The following TTC7A variants were observed in gnomAD, a reference collection of about 807,000 sequenced individuals.
TTC7A encodes the protein tetratricopeptide repeat protein 7A.
In TTC7A, 110 loss-of-function variants were observed where a neutral mutation model predicts 103.7. The ratio of observed to expected loss-of-function variants is 1.06; its 90% confidence interval spans 0.91 to 1.24. The LOEUF is 1.24. TTC7A is among the 50% of genes most tolerant of loss of function. TTC7A has a pLI of 0.00. For missense variants in TTC7A, 1,340 were observed against 1,116.3 expected, an observed-to-expected ratio of 1.20 and a Z score of -2.86; for synonymous variants, 521 against 467.9, an observed-to-expected ratio of 1.11 and a Z score of -1.47.
At chr2:46,981,904 G>A (rs1281888320) in intron 5 of TTC7A, among the ~76,000 whole-genome samples, 1 of 152,240 alleles carries the variant, frequency 6.6e-6, no homozygotes, top group Admixed American at 6.5e-5. Flanking sequence ...CTTCCAGGAG[G>A]CAGTGGCTGT....
At chr2:46,947,674 G>A (rs377209981) in intron 1 of TTC7A, among the ~76,000 whole-genome samples, 4 of 152,154 alleles carry the variant, frequency 2.6e-5, no homozygotes, top group East Asian at 3.8e-4. Flanking sequence ...CTGAGATTGT[G>A]CCATTGCGCT....
At chr2:46,925,256 G>GT (rs1271718470) in intron 2 of TTC7A, among the ~76,000 whole-genome samples, 1 of 152,092 alleles carries the variant, frequency 6.6e-6, no homozygotes, top group Non-Finnish European at 1.5e-5. Flanking sequence ...ACACCCACTT[G>GT]TTTTTTTAAC....
At chr2:47,034,283 CAG>C (rs762423915) in intron 15 of TTC7A, 10 of 152,326 alleles carry the variant, frequency 6.6e-5, no homozygotes, top group Non-Finnish European at 8.8e-5. Context: ...CAGGGGGCCT[CAG>C]GGGGCAGCAG....
In TTC7A at chr2:46,994,412, A is replaced by C. The variant is rs146719089; in HGVS notation, c.899A>C (p.Tyr300Ser). The change falls in exon 7 of 20, where the codon TAC (tyrosine) becomes TCC (serine). Residue 300 changes from tyrosine (Y) to serine (S), a missense_variant. By Grantham distance (144) the Tyr-to-Ser change is moderately radical. Coordinates refer to ENST00000319190, the MANE Select transcript of TTC7A (RefSeq NM_020458.4). ...CTGCACTCCCTGAGTGAGGAGTGCT[A>C]CTGGAGCCCCCTGTCCCACCCTCTG... is the stretch of plus-strand genomic sequence containing the variant. Reference protein sequence around the residue: ...VLLHSLSEECYWSPLSHPLPE... With the variant: ...VLLHSLSEECSWSPLSHPLPE... 69 of 1,613,888 alleles carry C rather than the reference A, an allele frequency of 4.3e-5. 1 individual carries two copies. The highest frequency in any genetic ancestry group is 5.7e-5 in the Non-Finnish European group (67 of 1,179,962).
intron 2 of TTC7A, chr2:46,951,466 T>G (rs866362935): frequency 2.7e-4 from 116 of 425,972 alleles, no homozygotes; most frequent in African/African-American, 1.6e-3. Context: ...CATTAGAAAC[T>G]CAAAAGAGGA....
chr2:47,039,267 G>T (rs967726092), intron 15 of TTC7A, among the ~76,000 whole-genome samples: 4 of 152,208 alleles, frequency 2.6e-5, no homozygotes, highest in Admixed American at 6.5e-5. Context: ...TTCATTGCAG[G>T]TGCTGAGTAA....
At chr2:46,940,997 G>C (rs573050516), upstream of TTC7A, among the ~76,000 whole-genome samples, 2 of 152,150 alleles carry the variant, frequency 1.3e-5, no homozygotes, top group South Asian at 4.1e-4. This position sits in a 1 kb window ranked among gnomAD's most constrained non-coding sequence, Gnocchi z 4.7. Context: ...GCCCCCGGGC[G>C]CCGGGGCTCC....
chr2:46,939,597 G>A (rs1294849299), upstream of TTC7A, among the ~76,000 whole-genome samples: 1 of 152,110 alleles, frequency 6.6e-6, no homozygotes, highest in Non-Finnish European at 1.5e-5. Context: ...GGCTGGCAAA[G>A]GACTAGGAAA....
intron 8 of TTC7A, among the ~76,000 whole-genome samples, chr2:46,996,219 A>T (rs909625276): frequency 6.6e-6 from 1 of 152,206 alleles, no homozygotes; most frequent in East Asian, 1.9e-4. Context: ...GCACAGGAAG[A>T]GTGGGGCAGG....
intron 3 of TTC7A, among the ~76,000 whole-genome samples, chr2:46,972,848 G>A (rs529853767): frequency 1.7e-4 from 26 of 152,306 alleles, no homozygotes; most frequent in African/African-American, 5.8e-4. Flanking sequence ...ATTTGCCCTC[G>A]TGGAGCTTTC....
At chr2:46,961,302 C>T (rs1221575420) in intron 3 of TTC7A, among the ~76,000 whole-genome samples, 2 of 152,198 alleles carry the variant, frequency 1.3e-5, no homozygotes, top group South Asian at 2.1e-4. Context: ...TCAGGCCGGG[C>T]GTGGTGGCTC....
intron 16 of TTC7A, among the ~76,000 whole-genome samples, chr2:47,047,686 G>A (rs1682465389): frequency 1.3e-5 from 2 of 152,212 alleles, no homozygotes; most frequent in African/African-American, 4.8e-5. Context: ...CTTCCTCCAA[G>A]TGGTCAGTCG....
intron 4 of TTC7A, among the ~76,000 whole-genome samples, chr2:46,977,339 C>G (rs1673980212): frequency 6.6e-6 from 1 of 152,202 alleles, no homozygotes; most frequent in African/African-American, 2.4e-5. Context: ...GGAACTAAGA[C>G]CTTCTCTTAA....
At chr2:46,998,694 A>G (rs1271343607) in intron 8 of TTC7A, among the ~76,000 whole-genome samples, 1 of 152,114 alleles carries the variant, frequency 6.6e-6, no homozygotes, top group Non-Finnish European at 1.5e-5. Context: ...CATCATCATC[A>G]TTGCTTCCAC....
In TTC7A at chr2:47,019,894, G is replaced by C. The variant is rs1363363312; in HGVS notation, c.1393-1968G>C. 2.0e-5 allele frequency among the ~76,000 whole-genome samples: 3 copies of C among 152,068 alleles called. No homozygotes were observed. In the East Asian group the frequency reaches 5.8e-4, roughly 29 times the overall value. On this transcript the variant is annotated intron_variant, in intron 11 of 19. Coordinates refer to ENST00000319190, the MANE Select transcript of TTC7A (RefSeq NM_020458.4). Reference sequence around the variant, plus strand: ...TGTGAGATGAGCCTCATTAGCCAGGGGTATATTAGGAAGAAAAGAGCGTGC... The same window carrying C: ...TGTGAGATGAGCCTCATTAGCCAGGCGTATATTAGGAAGAAAAGAGCGTGC...
intron 18 of TTC7A, 119 bp downstream of exon 18, chr2:47,051,999 G>C: frequency 7.6e-7 from 1 of 1,318,708 alleles, no homozygotes; most frequent in Non-Finnish European, 1.0e-6. Context: ...GCCCACGCGG[G>C]TTACAGAGTC....
intron 11 of TTC7A, 37 bp from the exon 12 acceptor site, chr2:47,021,825 A>T (rs369316158): frequency 3.8e-6 from 6 of 1,573,566 alleles, no homozygotes; most frequent in South Asian, 2.2e-5. Flanking sequence ...GGAAACTCCA[A>T]CCCCACCTCC....
chr2:47,028,663 C>T (rs1203833988), intron 14 of TTC7A, among the ~76,000 whole-genome samples: 1 of 152,224 alleles, frequency 6.6e-6, no homozygotes, highest in African/African-American at 2.4e-5. Flanking sequence ...AATCTGGCCT[C>T]ATCCCATCTG....
intron 18 of TTC7A, among the ~76,000 whole-genome samples, chr2:47,058,928 A>G (rs1683538648): frequency 6.7e-6 from 1 of 149,144 alleles, no homozygotes; most frequent in African/African-American, 2.5e-5. Flanking sequence ...GAGGGAGGCC[A>G]CAGAACTGCT....
Sources: allele counts gnomAD v4.1 joint callset (sites outside exome capture counted in the v4.1 genomes callset), GRCh38; gene constraint gnomAD v4.1.1; non-coding constraint Gnocchi (gnomAD v3.1); transcripts MANE v1.5; gene names NCBI Gene and HGNC (gene_info 2026-07-23, HGNC 2026-07-21).